The following XKR6 variants were observed in gnomAD, a reference collection of about 807,000 sequenced individuals.
XKR6 encodes XK-related protein 6.
In XKR6, 22 loss-of-function variants were observed where a neutral mutation model predicts 56.7. That is an observed-to-expected ratio of 0.39 (90% CI 0.28 to 0.55). The LOEUF is 0.55. Ranked by LOEUF, XKR6 falls within the 20% of genes least tolerant of loss-of-function variation. XKR6 has a pLI of 0.66. For synonymous variants in XKR6, 524 were observed against 387.8 expected (o/e 1.35, Z -4.13); for missense variants, 852 against 889.0 (o/e 0.96, Z 0.53).
At chr8:10,922,477 G>T (rs556912026) in intron 2 of XKR6, among the ~76,000 whole-genome samples, 136 of 152,326 alleles carry the variant, frequency 8.9e-4, no homozygotes, top group African/African-American at 3.2e-3. Context: ...TCCTTTATGG[G>T]TAGGTTTCTA....
At chr8:11,177,987 A>T (rs905788148) in intron 1 of XKR6, among the ~76,000 whole-genome samples, 6 of 152,178 alleles carry the variant, frequency 3.9e-5, no homozygotes, top group Non-Finnish European at 5.9e-5. Flanking sequence ...CTCCACTGCA[A>T]CCAAAAAAAC....
intron 1 of XKR6, chr8:11,105,702 T>C (rs1798650303): frequency 6.6e-6 from 1 of 152,232 alleles, no homozygotes; most frequent in Non-Finnish European, 1.5e-5. Context: ...ACAAAGCTCT[T>C]TTATTTGGAC....
intron 1 of XKR6, among the ~76,000 whole-genome samples, chr8:10,951,633 C>G (rs910184766): frequency 2.0e-5 from 3 of 152,238 alleles, no homozygotes; most frequent in Non-Finnish European, 4.4e-5. Context: ...CATGACCTAA[C>G]GGCCCATCAT....
intron 2 of XKR6, among the ~76,000 whole-genome samples, chr8:10,913,006 AT>A (rs1334129199): frequency 1.3e-5 from 2 of 149,468 alleles, no homozygotes; most frequent in Non-Finnish European, 3.0e-5. Context: ...ATATATATAT[AT>A]ACAGAGAGAG....
intron 1 of XKR6, among the ~76,000 whole-genome samples, chr8:11,184,386 CAT>C (rs1240054968): frequency 5.4e-5 from 6 of 110,602 alleles, no homozygotes; most frequent in African/African-American, 2.2e-4. Context: ...TATATACACA[CAT>C]ACACACACAC....
At chr8:11,196,014 A>C (rs1480271653) in intron 1 of XKR6, among the ~76,000 whole-genome samples, 1 of 152,036 alleles carries the variant, frequency 6.6e-6, no homozygotes, top group Admixed American at 6.5e-5. Context: ...ATAAGCATAT[A>C]AAGTACACTC....
chr8:11,179,852 G>A lies in XKR6; in HGVS notation c.764+20724C>T, dbSNP rs527396641. Among the ~76,000 whole-genome samples the A allele has an allele frequency of 4.3e-4, 66 of 152,332 alleles. 2 individuals are homozygous for A. The South Asian group carries it at 0.012, about 28-fold the overall frequency. Reference sequence around the variant, plus strand: ...TATAAACAGGACTTTTTAAAAAGTAGCCCGGCACACTGGCTCATGCCAGTA... The same window carrying A: ...TATAAACAGGACTTTTTAAAAAGTAACCCGGCACACTGGCTCATGCCAGTA... On this transcript the variant is annotated intron_variant, in intron 1 of 2. Transcript: ENST00000416569.
chr8:11,154,055 G>A (rs1287851690), intron 1 of XKR6, among the ~76,000 whole-genome samples: 1 of 152,214 alleles, frequency 6.6e-6, no homozygotes, highest in East Asian at 1.9e-4. Flanking sequence ...TTGCCGAGAA[G>A]AGACATCTGG....
At chr8:10,928,164 C>CA (rs1800952497) in intron 1 of XKR6, among the ~76,000 whole-genome samples, 2 of 152,226 alleles carry the variant, frequency 1.3e-5, no homozygotes, top group Admixed American at 1.3e-4. Context: ...TGCCAGAACG[C>CA]AAGCCACTGC....
At chr8:11,098,246 ACACACACGCATG>A (rs1798337866) in intron 1 of XKR6, among the ~76,000 whole-genome samples, 2 of 151,950 alleles carry the variant, frequency 1.3e-5, no homozygotes, top group South Asian at 4.2e-4. Flanking sequence ...CGCACAACAC[ACACACACGCATG>A]CACACACACA....
intron 1 of XKR6, among the ~76,000 whole-genome samples, chr8:10,944,333 C>G (rs1801471439): frequency 6.6e-6 from 1 of 152,234 alleles, no homozygotes. Context: ...GTGACCAGCA[C>G]AGCTGGCTGA....
At chr8:11,154,834 T>G (rs1472146102) in intron 1 of XKR6, among the ~76,000 whole-genome samples, 2 of 152,210 alleles carry the variant, frequency 1.3e-5, no homozygotes, top group African/African-American at 4.8e-5. Context: ...CCTCTTTTCT[T>G]TCCATTGACT....
rs999208646 is a variant in XKR6 at position 10,952,392 on chromosome 8, C to T, written c.765-27562G>A. Among the ~76,000 whole-genome samples the T allele has an allele frequency of 6.6e-5, 10 of 152,336 alleles. 1 individual carries two copies. The highest frequency in any genetic ancestry group is 3.9e-4 in the East Asian group (2 of 5,188). On this transcript the variant is annotated intron_variant, in intron 1 of 2. Transcript: ENST00000416569. ...TAATACAGTCAGTACGTCAGAACCT[C>T]TCATATCTTTAGCATCCTGTGATGT... is the stretch of plus-strand genomic sequence containing the variant.
chr8:11,136,807 GGCAATGATATTTCT>G (rs1326501230), intron 1 of XKR6: 1 of 152,172 alleles, frequency 6.6e-6, no homozygotes, highest in Non-Finnish European at 1.5e-5. Flanking sequence ...AAGCCACCCA[GGCAATGATATTTCT>G]GTTATAAAAG....
rs143000062 is a variant in XKR6 at position 11,065,952 on chromosome 8, T to TC, written c.764+134623dup. ...CCTGGGTTCCTGGGTAAGTCACTCT[T>TC]CAAGCTTCAGTTTAGCCAGCTATAA... On this transcript the variant is annotated intron_variant, in intron 1 of 2. Coordinates refer to ENST00000416569, the MANE Select transcript of XKR6 (RefSeq NM_173683.4). Among the ~76,000 whole-genome samples the TC allele has an allele frequency of 6.4e-3, 974 of 152,308 alleles. 12 individuals are homozygous for TC. The highest frequency in any genetic ancestry group is 0.022 in the African/African-American group (931 of 41,556).
At chr8:11,134,238 C>A (rs1249201278) in intron 1 of XKR6, among the ~76,000 whole-genome samples, 1 of 152,294 alleles carries the variant, frequency 6.6e-6, no homozygotes, top group East Asian at 1.9e-4. Context: ...TAGCACTGAT[C>A]ACAGTGTGTG....
intron 1 of XKR6, among the ~76,000 whole-genome samples, chr8:11,052,584 G>A (rs566079869): frequency 5.3e-5 from 8 of 152,258 alleles, no homozygotes; most frequent in African/African-American, 1.9e-4. Context: ...CCCCGTTCCT[G>A]GACGTGAGGC....
intron 1 of XKR6, among the ~76,000 whole-genome samples, chr8:11,074,256 C>T (rs917183746): frequency 2.0e-5 from 3 of 152,206 alleles, no homozygotes; most frequent in Admixed American, 1.3e-4. Flanking sequence ...GCAGAAGCTG[C>T]GCTCCCTCTG....
At chr8:11,176,892 A>C (rs1802685561) in intron 1 of XKR6, among the ~76,000 whole-genome samples, 1 of 152,168 alleles carries the variant, frequency 6.6e-6, no homozygotes, top group Non-Finnish European at 1.5e-5. Flanking sequence ...CACCAGAGCA[A>C]CAGAATCCAG....
Sources: allele counts gnomAD v4.1 joint callset (sites outside exome capture counted in the v4.1 genomes callset), GRCh38; gene constraint gnomAD v4.1.1; transcripts MANE v1.5; gene names NCBI Gene and HGNC (gene_info 2026-07-23, HGNC 2026-07-21).